Variants in SLC25A48 observed in about 807,000 individuals in gnomAD.
SLC25A48 encodes CTC-321K16.1.
SLC25A48 carries 29 observed loss-of-function variants against 32.2 expected under a neutral mutation model. That is an observed-to-expected ratio of 0.90 (90% CI 0.67 to 1.23). The LOEUF is 1.23. Among genes scored for constraint, SLC25A48 ranks in the 50% most tolerant of loss-of-function variants. The pLI is 0.00. For missense variants in SLC25A48, 399 were observed against 422.7 expected (o/e 0.94, Z 0.49); for synonymous variants, 164 against 172.3 (o/e 0.95, Z 0.38).
intron 3 of SLC25A48, among the ~76,000 whole-genome samples, chr5:135,654,216 A>G (rs1193893909): frequency 6.6e-6 from 1 of 152,206 alleles, no homozygotes; most frequent in Non-Finnish European, 1.5e-5. Context: ...CAATGGAAAA[A>G]ATGGCATCAT....
intron 1 of SLC25A48, among the ~76,000 whole-genome samples, chr5:135,580,713 G>T (rs778682473): frequency 3.9e-5 from 6 of 152,000 alleles, no homozygotes; most frequent in Admixed American, 6.6e-5. Flanking sequence ...CAACACGTTT[G>T]CCCAGAAAAA....
At chr5:135,818,097 CTCTCTCTCTCTCTCTCTCT>C (rs1757781301) in intron 4 of SLC25A48, among the ~76,000 whole-genome samples, 6 of 141,064 alleles carry the variant, frequency 4.3e-5, no homozygotes, top group African/African-American at 1.4e-4. Context: ...CTCTCTCTCT[CTCTCTCTCTCTCTCTCTCT>C]CTCCCTCTGT....
intron 3 of SLC25A48, among the ~76,000 whole-genome samples, chr5:135,747,028 A>G (rs1314190377): frequency 6.7e-6 from 1 of 149,466 alleles, no homozygotes; most frequent in Admixed American, 6.7e-5. Context: ...ACACACTTGG[A>G]TAATGTCAAT....
chr5:135,850,287 C>A, intron 2 of SLC25A48, 138 bp from the exon 3 acceptor site: 1 of 754,658 alleles, frequency 1.3e-6, no homozygotes, highest in East Asian at 2.5e-5. Flanking sequence ...GACAGGGCAC[C>A]AGCCTGGCCA....
intron 3 of SLC25A48, among the ~76,000 whole-genome samples, chr5:135,740,422 T>G (rs544037712): frequency 5.6e-4 from 85 of 152,310 alleles, no homozygotes; most frequent in African/African-American, 1.9e-3. Context: ...CTTGAACTCC[T>G]GACCTCAAGT....
intron 3 of SLC25A48, among the ~76,000 whole-genome samples, chr5:135,681,939 T>A (rs1213799522): frequency 6.6e-6 from 1 of 152,156 alleles, no homozygotes; most frequent in East Asian, 1.9e-4. Context: ...GTTTTATGTG[T>A]TCCTTTTGGG....
intron 4 of SLC25A48, chr5:135,826,542 G>A (rs1243207751): frequency 6.6e-6 from 1 of 152,244 alleles, no homozygotes; most frequent in East Asian, 1.9e-4. Context: ...AGCTGGTTTT[G>A]TAAATAAATC....
intron 1 of SLC25A48, among the ~76,000 whole-genome samples, chr5:135,628,557 C>G (rs2126904909): frequency 6.6e-6 from 1 of 152,180 alleles, no homozygotes; most frequent in African/African-American, 2.4e-5. Flanking sequence ...CCCAGTAGAT[C>G]TGGATTAGTG....
At chr5:135,688,994 T>C (rs1449595162) in intron 3 of SLC25A48, among the ~76,000 whole-genome samples, 3 of 152,204 alleles carry the variant, frequency 2.0e-5, no homozygotes, top group African/African-American at 7.2e-5. Context: ...ACAATATTAT[T>C]ATTTCTGCCT....
intron 3 of SLC25A48, among the ~76,000 whole-genome samples, chr5:135,775,689 G>T (rs74415965): frequency 0.024 from 3,574 of 151,576 alleles, 138 homozygotes; most frequent in African/African-American, 0.081. Flanking sequence ...ATCGCAGAGG[G>T]TATACAACCC....
At chr5:135,748,205 A>C (rs992976885) in intron 3 of SLC25A48, among the ~76,000 whole-genome samples, 2 of 152,220 alleles carry the variant, frequency 1.3e-5, no homozygotes, top group Non-Finnish European at 2.9e-5. Context: ...GAGGCAGTAA[A>C]GAGCAGAACT....
chr5:135,836,284 G>C (rs545215730), intron 1 of SLC25A48, among the ~76,000 whole-genome samples: 1 of 151,746 alleles, frequency 6.6e-6, no homozygotes, highest in African/African-American at 2.4e-5. Flanking sequence ...CTTTATTCTG[G>C]TCCTTACTTT....
chr5:135,727,100 T>A (rs1755107582), intron 3 of SLC25A48, among the ~76,000 whole-genome samples: 1 of 152,140 alleles, frequency 6.6e-6, no homozygotes, highest in African/African-American at 2.4e-5. Context: ...CTGTATATCC[T>A]CTTTGGAGAA....
intron 3 of SLC25A48, among the ~76,000 whole-genome samples, chr5:135,705,922 G>C (rs56206728): frequency 0.024 from 3,664 of 152,282 alleles, 56 homozygotes; most frequent in Non-Finnish European, 0.031. Context: ...TTGAGGGTGA[G>C]CTGGCCTGGC....
intron 3 of SLC25A48, among the ~76,000 whole-genome samples, chr5:135,790,865 T>C (rs1448093859): frequency 6.6e-6 from 1 of 151,978 alleles, no homozygotes; most frequent in African/African-American, 2.4e-5. Context: ...CACTGTGTGA[T>C]ATTATTCGTA....
chr5:135,884,806 G>A (rs1762659415), intron 7 of SLC25A48, among the ~76,000 whole-genome samples: 1 of 152,164 alleles, frequency 6.6e-6, no homozygotes, highest in Non-Finnish European at 1.5e-5. Context: ...GTGTCCACAA[G>A]GCCAACTGGG....
At chr5:135,713,168 C>T (rs760071708) in intron 3 of SLC25A48, among the ~76,000 whole-genome samples, 32 of 152,176 alleles carry the variant, frequency 2.1e-4, no homozygotes, top group Non-Finnish European at 3.7e-4. Context: ...CAGGCCCAGC[C>T]CAGACCTTCT....
intron 4 of SLC25A48, among the ~76,000 whole-genome samples, chr5:135,859,496 C>T (rs750052461): frequency 2.0e-5 from 3 of 152,162 alleles, no homozygotes; most frequent in Non-Finnish European, 2.9e-5. Context: ...CAAATCATAT[C>T]GCCTCCCCTG....
rs116811449 is a variant in SLC25A48 at position 135,643,813 on chromosome 5, T to G, written c.-521+8857T>G. ...TACTGCACTAATATGTGGCAGACAT[T>G]TTCACCAGCATCATCACATTTAATC... On this transcript the variant is annotated intron_variant, in intron 3 of 10. Coordinates refer to the SLC25A48 transcript ENST00000646290. Among the ~76,000 whole-genome samples the G allele has an allele frequency of 2.5e-3, 374 of 152,280 alleles. 3 individuals carry two copies. Among genetic ancestry groups the G allele is most frequent in the African/African-American group, 8.8e-3 (365 of 41,552 alleles).
Sources: allele counts gnomAD v4.1 joint callset (sites outside exome capture counted in the v4.1 genomes callset), GRCh38; gene constraint gnomAD v4.1.1; transcripts MANE v1.5; gene names NCBI Gene and HGNC (gene_info 2026-07-23, HGNC 2026-07-21).